The following CLASP1 variants were observed in gnomAD, a reference collection of about 807,000 sequenced individuals.
CLASP1 encodes cytoplasmic linker associated protein 1, also known as CLIP-associating protein 1.
A neutral mutation model predicts 192.3 loss-of-function variants in CLASP1; 38 were observed. That is an observed-to-expected ratio of 0.20 (90% CI 0.15 to 0.26). The LOEUF (loss-of-function observed/expected upper bound fraction) is 0.26. Ranked by LOEUF, CLASP1 falls within the 10% of genes least tolerant of loss-of-function variation. CLASP1 has a pLI of 1.00. For synonymous variants in CLASP1, 691 were observed against 712.8 expected (o/e 0.97, Z 0.49); for missense variants, 1,433 against 1,932.5 (o/e 0.74, Z 4.85).
chr2:121,374,647 T>C (rs1406875975), intron 34 of CLASP1, among the ~76,000 whole-genome samples: 1 of 152,234 alleles, frequency 6.6e-6, no homozygotes, highest in Non-Finnish European at 1.5e-5. Flanking sequence ...CTTGGGAGCC[T>C]ACTCCTTGCA....
intron 37 of CLASP1, among the ~76,000 whole-genome samples, chr2:121,356,175 T>C (rs1427073441): frequency 6.6e-6 from 1 of 150,664 alleles, no homozygotes; most frequent in Non-Finnish European, 1.5e-5. Context: ...GGAACAACAG[T>C]GGCTGGAATC....
At chr2:121,480,934 C>G (rs2092550377) in intron 8 of CLASP1, among the ~76,000 whole-genome samples, 1 of 152,228 alleles carries the variant, frequency 6.6e-6, no homozygotes, top group African/African-American at 2.4e-5. Flanking sequence ...AAAGCAGAGT[C>G]AGGGGCAGTG....
At chr2:121,550,289 A>C (rs1168698322) in intron 2 of CLASP1, among the ~76,000 whole-genome samples, 2 of 152,078 alleles carry the variant, frequency 1.3e-5, no homozygotes, top group Admixed American at 6.5e-5. Context: ...TGCCAACATA[A>C]AAAGAAAGAT....
At chr2:121,530,540 G>T in intron 2 of CLASP1, 1 of 551,698 alleles carries the variant, frequency 1.8e-6, no homozygotes, top group South Asian at 2.5e-5. Flanking sequence ...TCGGTGAGGA[G>T]AAACGAAATA....
intron 37 of CLASP1, among the ~76,000 whole-genome samples, chr2:121,361,005 C>G (rs541108618): frequency 2.0e-4 from 31 of 152,108 alleles, no homozygotes; most frequent in African/African-American, 5.5e-4. Context: ...AATAACAAAC[C>G]AATTACTTAA....
intron 14 of CLASP1, among the ~76,000 whole-genome samples, chr2:121,456,684 G>C (rs1239399733): frequency 1.3e-5 from 2 of 152,124 alleles, no homozygotes; most frequent in South Asian, 2.1e-4. Context: ...ATATAGAGCT[G>C]CTTCATGTTT....
At chr2:121,562,977 G>A (rs966942541) in intron 2 of CLASP1, among the ~76,000 whole-genome samples, 13 of 152,070 alleles carry the variant, frequency 8.5e-5, no homozygotes, top group South Asian at 4.1e-4. Context: ...AGCTAATCAC[G>A]TGACTGACAC....
intron 15 of CLASP1, among the ~76,000 whole-genome samples, 158 bp from the exon 16 acceptor site, chr2:121,451,148 C>G (rs1302148758): frequency 6.6e-6 from 1 of 152,238 alleles, no homozygotes; most frequent in African/African-American, 2.4e-5. Context: ...GCACGGCACT[C>G]CTACCTACAG....
chr2:121,526,210 C>A (rs185831443), intron 5 of CLASP1, among the ~76,000 whole-genome samples: 13 of 152,400 alleles, frequency 8.5e-5, no homozygotes, highest in Non-Finnish European at 2.9e-5. Flanking sequence ...TCCAGCCCCC[C>A]AGGTCCCGCT....
chr2:121,570,407 A>G (rs2105401786), intron 2 of CLASP1, among the ~76,000 whole-genome samples: 1 of 152,374 alleles, frequency 6.6e-6, no homozygotes, highest in Middle Eastern at 3.4e-3. Context: ...TCTCAAAGTG[A>G]AAAATATCTC....
At chr2:121,596,302 T>C (rs531908295) in intron 2 of CLASP1, among the ~76,000 whole-genome samples, 3 of 152,158 alleles carry the variant, frequency 2.0e-5, no homozygotes, top group East Asian at 1.9e-4. Flanking sequence ...CTACAGCCAA[T>C]AGGACAAACA....
At chr2:121,638,643 A>C (rs1325385499) in intron 1 of CLASP1, among the ~76,000 whole-genome samples, 4 of 151,216 alleles carry the variant, frequency 2.6e-5, no homozygotes, top group Non-Finnish European at 5.9e-5. Flanking sequence ...ATTACTCAGC[A>C]ATAAAAAAAG....
At chr2:121,523,197 C>T (rs1386484196) in intron 6 of CLASP1, among the ~76,000 whole-genome samples, 1 of 152,224 alleles carries the variant, frequency 6.6e-6, no homozygotes, top group Non-Finnish European at 1.5e-5. Context: ...TAATATTAAA[C>T]ATACTCTGCC....
At chr2:121,537,405 A>AAG (rs530114114) in intron 2 of CLASP1, among the ~76,000 whole-genome samples, 3,141 of 151,174 alleles carry the variant, frequency 0.021, 98 homozygotes, top group African/African-American at 0.07. Context: ...GAAAAAAAAA[A>AAG]AGAGAGAGAG....
chr2:121,610,213 G>A (rs890105689), intron 1 of CLASP1, among the ~76,000 whole-genome samples: 2 of 152,050 alleles, frequency 1.3e-5, no homozygotes, highest in African/African-American at 2.4e-5. Context: ...AGAGGAGCTG[G>A]AGGAGAAGGA....
At chr2:121,559,179 C>G (rs1292332209) in intron 2 of CLASP1, among the ~76,000 whole-genome samples, 1 of 152,160 alleles carries the variant, frequency 6.6e-6, no homozygotes, top group Non-Finnish European at 1.5e-5. Flanking sequence ...AAGATGGCTA[C>G]AGCAATACAG....
chr2:121,405,609 C>T (rs1251750796), intron 25 of CLASP1, among the ~76,000 whole-genome samples: 1 of 152,176 alleles, frequency 6.6e-6, no homozygotes, highest in African/African-American at 2.4e-5. Flanking sequence ...TGTTCAAGAA[C>T]CCTTCAATAT....
intron 2 of CLASP1, among the ~76,000 whole-genome samples, chr2:121,573,926 G>A (rs1047035862): frequency 3.3e-5 from 5 of 152,130 alleles, no homozygotes; most frequent in Non-Finnish European, 5.9e-5. Flanking sequence ...CAACAAAAAC[G>A]TAAGCTTTGC....
chr2:121,574,049 T>C (rs963330494), intron 2 of CLASP1, among the ~76,000 whole-genome samples: 1 of 152,212 alleles, frequency 6.6e-6, no homozygotes, highest in East Asian at 1.9e-4. Context: ...ATATGGTAAC[T>C]ATAGCTATTA....
Sources: allele counts gnomAD v4.1 joint callset (sites outside exome capture counted in the v4.1 genomes callset), GRCh38; gene constraint gnomAD v4.1.1; transcripts MANE v1.5; gene names NCBI Gene and HGNC (gene_info 2026-07-23, HGNC 2026-07-21).